USP13: variants seen among roughly 807,000 people sequenced by gnomAD.
USP13 encodes ubiquitin carboxyl-terminal hydrolase 13.
USP13 carries 68 observed loss-of-function variants against 107.8 expected under a neutral mutation model. That is an observed-to-expected ratio of 0.63 (90% CI 0.52 to 0.77). USP13 has a LOEUF of 0.77. Ranked by LOEUF, USP13 falls within the 30% of genes least tolerant of loss-of-function variation. The pLI is 0.00. For synonymous variants in USP13, 377 were observed against 389.5 expected, an observed-to-expected ratio of 0.97 and a Z score of 0.38; for missense variants, 945 against 1,093.3, an observed-to-expected ratio of 0.86 and a Z score of 1.91.
chr3:179,739,768 G>A (rs900657268), intron 10 of USP13, among the ~76,000 whole-genome samples: 1 of 151,956 alleles, frequency 6.6e-6, no homozygotes, highest in Admixed American at 6.5e-5. Flanking sequence ...CATGTTGGCC[G>A]GGCTGGTCTC....
At chr3:179,675,156 CAG>C (rs1398446541) in intron 1 of USP13, among the ~76,000 whole-genome samples, 4 of 149,374 alleles carry the variant, frequency 2.7e-5, no homozygotes, top group African/African-American at 9.9e-5. Context: ...GCCTGGGCGA[CAG>C]AGTGACACTC....
intron 1 of USP13, among the ~76,000 whole-genome samples, chr3:179,660,451 G>C (rs1251884452): frequency 6.6e-6 from 1 of 152,218 alleles, no homozygotes; most frequent in Non-Finnish European, 1.5e-5. Context: ...GCATGCATCA[G>C]AATTTCCTTC....
At chr3:179,756,968 T>C in intron 15 of USP13, 84 bp from the exon 16 acceptor site, 1 of 1,477,712 alleles carries the variant, frequency 6.8e-7, no homozygotes, top group Admixed American at 1.7e-5. Flanking sequence ...GCATTGGAAA[T>C]GCCCTGGATC....
At chr3:179,750,742 G>T (rs1478222424) in intron 13 of USP13, among the ~76,000 whole-genome samples, 1 of 152,188 alleles carries the variant, frequency 6.6e-6, no homozygotes, top group Non-Finnish European at 1.5e-5. Context: ...GCGCCAAGCG[G>T]TTTCACATCA....
At chr3:179,695,912 C>G (rs1264976150) in intron 3 of USP13, among the ~76,000 whole-genome samples, 1 of 152,198 alleles carries the variant, frequency 6.6e-6, no homozygotes, top group African/African-American at 2.4e-5. Flanking sequence ...CTACAGTGAG[C>G]TCACCAGGGC....
chr3:179,704,587 A>C (rs1301344158), intron 4 of USP13, among the ~76,000 whole-genome samples: 1 of 152,140 alleles, frequency 6.6e-6, no homozygotes, highest in East Asian at 1.9e-4. Context: ...GGAACAAGGA[A>C]GAAGTCCTGG....
intron 14 of USP13, among the ~76,000 whole-genome samples, chr3:179,753,786 A>G (rs1714690525): frequency 6.6e-6 from 1 of 152,230 alleles, no homozygotes; most frequent in African/African-American, 2.4e-5. Flanking sequence ...TTGCTAGCCC[A>G]AAAGATGTAT....
intron 2 of USP13, among the ~76,000 whole-genome samples, chr3:179,684,978 T>C (rs1191109457): frequency 1.3e-5 from 2 of 152,220 alleles, no homozygotes; most frequent in Non-Finnish European, 2.9e-5. Context: ...GTAAGCTCTA[T>C]GAGGGCAGGG....
chr3:179,696,170 G>A (rs1576931906), intron 3 of USP13, among the ~76,000 whole-genome samples: 1 of 152,128 alleles, frequency 6.6e-6, no homozygotes, highest in East Asian at 1.9e-4. Flanking sequence ...TTGCCCAACA[G>A]CTGAACACAT....
chr3:179,690,993 C>T (rs1186561999), intron 3 of USP13, among the ~76,000 whole-genome samples: 1 of 151,788 alleles, frequency 6.6e-6, no homozygotes, highest in East Asian at 1.9e-4. Flanking sequence ...CATAAAAAGG[C>T]CCTGTCGTTA....
At chr3:179,657,129 A>G (rs186703033) in intron 1 of USP13, among the ~76,000 whole-genome samples, 35 of 152,368 alleles carry the variant, frequency 2.3e-4, no homozygotes, top group Admixed American at 1.1e-3. Flanking sequence ...TGGAGACAGT[A>G]ACAACCTATC....
At chr3:179,769,789 AAG>A (rs1034415325) in intron 19 of USP13, among the ~76,000 whole-genome samples, 1 of 152,170 alleles carries the variant, frequency 6.6e-6, no homozygotes, top group Non-Finnish European at 1.5e-5. Context: ...CAGGGAATAA[AAG>A]CTTGTTCAGC....
intron 10 of USP13, among the ~76,000 whole-genome samples, chr3:179,735,877 T>A (rs370476320): frequency 2.6e-5 from 4 of 151,978 alleles, no homozygotes; most frequent in African/African-American, 7.3e-5. Flanking sequence ...CTAGAAAAAA[T>A]AATAATAAAA....
intron 6 of USP13, among the ~76,000 whole-genome samples, chr3:179,716,081 C>T (rs1386906140): frequency 2.0e-5 from 3 of 152,096 alleles, no homozygotes; most frequent in Non-Finnish European, 4.4e-5. Flanking sequence ...TGTGCCACCA[C>T]GCCAAGCTAA....
intron 1 of USP13, among the ~76,000 whole-genome samples, chr3:179,666,458 G>T (rs757509757): frequency 3.9e-5 from 6 of 152,202 alleles, no homozygotes; most frequent in Non-Finnish European, 8.8e-5. Flanking sequence ...ATTAGGGCGA[G>T]TAGGCTGTGA....
At chr3:179,781,339 A>AC (rs1715741046) in intron 19 of USP13, among the ~76,000 whole-genome samples, 1 of 148,134 alleles carries the variant, frequency 6.8e-6, no homozygotes, top group Non-Finnish European at 1.5e-5. Context: ...AAGTGGGTGG[A>AC]TTTTTTTTTT....
Position 179,742,237 on chromosome 3 carries a change from G to GT in USP13, c.1427dup (p.Leu476PhefsTer38). 6.2e-7 allele frequency: 1 copy of GT among 1,614,196 alleles called. No homozygotes were observed. On this transcript the variant is annotated frameshift_variant, in exon 12 of 21. Coordinates refer to ENST00000263966, the MANE Select transcript of USP13 (RefSeq NM_003940.3). LOFTEE classifies it high-confidence loss of function. This position sits in a 1 kb window ranked among gnomAD's most constrained non-coding sequence, Gnocchi z 5.0. ...TCAGAAAACCCAAGCGATGTTTTTC[G>GT]TTTTTTGGTGGAAGAACGCATTCAG...
Position 179,784,246 on chromosome 3 carries a change from T to G in USP13, c.*105T>G. The G allele has an allele frequency of 1.7e-5, 14 of 803,288 alleles. No individual in the cohort carries two copies. Among genetic ancestry groups the G allele is most frequent in the Non-Finnish European group, 2.6e-5 (13 of 491,742 alleles). The allele number at this position is 803,288 out of a possible 1,614,324, so 49.8% of individuals were successfully genotyped here. ...AAACAACTAGACATGAAGGAATATATGGGGTATTTATCGTTTATTTAAAGA... is the reference window on the plus strand; with the variant it reads ...AAACAACTAGACATGAAGGAATATAGGGGGTATTTATCGTTTATTTAAAGA... On this transcript the variant is annotated 3_prime_UTR_variant, in exon 21 of 21. Transcript: ENST00000263966.
chr3:179,690,191 G>T (rs373655165), intron 2 of USP13, 50 bp from the exon 3 acceptor site: 156 of 1,557,330 alleles, frequency 1.0e-4, no homozygotes, highest in Non-Finnish European at 1.3e-4. Context: ...CCCTCACAAA[G>T]ATGTTTATTT....
Sources: allele counts gnomAD v4.1 joint callset (sites outside exome capture counted in the v4.1 genomes callset), GRCh38; gene constraint gnomAD v4.1.1; non-coding constraint Gnocchi (gnomAD v3.1); transcripts MANE v1.5; gene names NCBI Gene and HGNC (gene_info 2026-07-23, HGNC 2026-07-21).